The following CELF1 variants were observed in gnomAD, a reference collection of about 807,000 sequenced individuals.
CELF1 encodes CUGBP Elav-like family member 1, also known as 50 kDa nuclear polyadenylated RNA-binding protein.
Under a neutral mutation model 61.8 loss-of-function variants are expected in CELF1, and 10 were observed. The ratio of observed to expected loss-of-function variants is 0.16; its 90% CI spans 0.10 to 0.27. The LOEUF is 0.27. Among genes scored for constraint, CELF1 ranks in the 10% least tolerant of loss-of-function variants. The pLI is 1.00. For synonymous variants in CELF1, 236 were observed against 225.1 expected (o/e 1.05, Z -0.43); for missense variants, 380 against 639.1 (o/e 0.59, Z 4.37).
At position 47,563,264 on chromosome 11, in the gene CELF1, G is replaced by A. The variant is rs528674385; in HGVS notation, c.-11+1087C>T. 2.0e-5 allele frequency among the ~76,000 whole-genome samples: 3 copies of A among 152,202 alleles called. No homozygotes were observed. The South Asian group carries it at 6.2e-4, about 32-fold the overall frequency. On this transcript the variant is annotated intron_variant, in intron 2 of 3. Coordinates refer to the CELF1 transcript ENST00000525841. ...TAAAAAGAAGAAATGCCCTCAACAT[G>A]CTAAACATGTAAATCTATACAGTCA...
chr11:47,492,638 A>C (rs958673311), intron 3 of CELF1, among the ~76,000 whole-genome samples: 1 of 152,164 alleles, frequency 6.6e-6, no homozygotes, highest in Non-Finnish European at 1.5e-5. Context: ...AGGCTAAGGC[A>C]CAAGAATCGC....
chr11:47,483,434 T>C lies in CELF1; in HGVS notation c.606+19A>G. On this transcript the variant is annotated intron_variant, in intron 8 of 14. Transcript: ENST00000687097. Reference sequence around the variant, plus strand: ...TTCCCAAGCTGAGGAATTTTCCCCATCACCTATCTGCTCCCTACCTCCATG... The same window carrying C: ...TTCCCAAGCTGAGGAATTTTCCCCACCACCTATCTGCTCCCTACCTCCATG... The C allele has an allele frequency of 6.2e-7, 1 of 1,606,128 alleles. No individual in the cohort carries two copies. Among genetic ancestry groups the C allele is most frequent in the Non-Finnish European group, 8.5e-7 (1 of 1,172,948 alleles).
chr11:47,496,339 A>G (rs2093089149), intron 3 of CELF1, among the ~76,000 whole-genome samples: 1 of 152,212 alleles, frequency 6.6e-6, no homozygotes, highest in South Asian at 2.1e-4. Flanking sequence ...AGGTATGGAG[A>G]TAAGATCTGG....
intron 4 of CELF1, 99 bp from the exon 5 acceptor site, chr11:47,487,340 G>T (rs1325553912): frequency 4.8e-5 from 41 of 861,356 alleles, no homozygotes; most frequent in Non-Finnish European, 7.3e-5. Context: ...AAAGAGGGCT[G>T]GGTTTATTAA....
chr11:47,529,075 TAC>T lies in CELF1; in HGVS notation c.-154+23915_-154+23916del, dbSNP rs2096369112. Among the ~76,000 whole-genome samples the T allele has an allele frequency of 3.3e-5, 5 of 149,874 alleles. No homozygotes were observed. The South Asian group carries it at 8.4e-4, about 25-fold the overall frequency. On this transcript the variant is annotated intron_variant, in intron 1 of 14. Transcript: ENST00000687097. ...GTGTGCCACCTCACCCAGTTTATTT[TAC>T]TTTTTTTTTTTTTTTTTTGAGACAG...
chr11:47,539,128 C>T (rs541511881), intron 1 of CELF1, among the ~76,000 whole-genome samples: 65 of 152,280 alleles, frequency 4.3e-4, no homozygotes, highest in African/African-American at 1.5e-3. Flanking sequence ...TTCTCTAAAA[C>T]TGATGGCTCA....
intron 2 of CELF1, 69 bp from the exon 3 acceptor site, chr11:47,499,673 G>A: frequency 3.1e-6 from 2 of 636,294 alleles, no homozygotes. Context: ...GCCACAGAAA[G>A]AGGCAGGACT....
At chr11:47,516,897 C>A (rs1340549395) in intron 1 of CELF1, among the ~76,000 whole-genome samples, 3 of 152,052 alleles carry the variant, frequency 2.0e-5, no homozygotes, top group Non-Finnish European at 4.4e-5. Flanking sequence ...GCCACCACGC[C>A]CAGCTCACTA....
chr11:47,533,831 A>AAAAAG (rs1491545271), intron 1 of CELF1, among the ~76,000 whole-genome samples: 13 of 140,894 alleles, frequency 9.2e-5, no homozygotes, highest in South Asian at 2.2e-4. Context: ...AAAAAAAAAA[A>AAAAAG]GGAATATTTA....
rs1296479180 is a variant in CELF1, at chr11:47,471,311, C to T, written c.*919G>A. ...GTGGCTTGGGATGGAGGTGACATTC[C>T]TTGCTGTGGTGAACTGCAAAGAAGG... On this transcript the variant is annotated 3_prime_UTR_variant, in exon 15 of 15. Transcript: ENST00000687097. The T allele has an allele frequency of 3.3e-5, 5 of 152,192 alleles. No individual in the cohort carries two copies. Among genetic ancestry groups the T allele is most frequent in the Non-Finnish European group, 5.9e-5 (4 of 68,048 alleles). 9.4% of individuals were successfully genotyped at this position (152,192 alleles called of 1,614,324 possible). A position where few individuals can be genotyped will look rare whatever the true frequency, so the allele number is the denominator to read the frequency against.
intron 1 of CELF1, among the ~76,000 whole-genome samples, chr11:47,522,282 T>C (rs960974493): frequency 1.6e-4 from 24 of 151,640 alleles, no homozygotes; most frequent in Admixed American, 1.4e-3. Context: ...CCCCAGCACT[T>C]TGGGAGGCCA....
intron 3 of CELF1, among the ~76,000 whole-genome samples, chr11:47,496,721 A>G (rs899559275): frequency 1.3e-5 from 2 of 152,168 alleles, no homozygotes; most frequent in African/African-American, 4.8e-5. Flanking sequence ...GAAAAGTGGG[A>G]TAACATCAGA....
At chr11:47,487,310 CACT>C in intron 4 of CELF1, 69 bp from the exon 5 acceptor site, 1 of 1,174,980 alleles carries the variant, frequency 8.5e-7, no homozygotes, top group Non-Finnish European at 1.2e-6. Flanking sequence ...ATCCTTCCTC[CACT>C]GACAGATCAG....
intron 1 of CELF1, among the ~76,000 whole-genome samples, chr11:47,501,827 C>CA (rs1482812221): frequency 1.2e-4 from 18 of 150,492 alleles, no homozygotes; most frequent in South Asian, 2.1e-4. Context: ...TCTCCCCCAC[C>CA]AAAAAAAAAT....
At chr11:47,498,299 G>C (rs999644400) in intron 3 of CELF1, among the ~76,000 whole-genome samples, 2 of 152,054 alleles carry the variant, frequency 1.3e-5, no homozygotes, top group South Asian at 4.1e-4. Flanking sequence ...CAGCTACTTG[G>C]GAAGCGGAGG....
intron 1 of CELF1, among the ~76,000 whole-genome samples, chr11:47,501,721 G>A (rs1469864481): frequency 6.6e-6 from 1 of 152,100 alleles, no homozygotes; most frequent in Non-Finnish European, 1.5e-5. Context: ...TACTCGGGAG[G>A]CTAAGGCAGG....
chr11:47,533,255 G>A (rs1205764525), intron 1 of CELF1, among the ~76,000 whole-genome samples: 4 of 152,190 alleles, frequency 2.6e-5, no homozygotes, highest in African/African-American at 4.8e-5. Context: ...GGGAAGCTGA[G>A]GCGGGGGGAT....
chr11:47,486,653 C>A, intron 6 of CELF1, 97 bp downstream of exon 6: 1 of 943,384 alleles, frequency 1.1e-6, no homozygotes, highest in South Asian at 1.3e-5. Flanking sequence ...AGCAATCCAT[C>A]TGTCTTGGCC....
chr11:47,488,817 C>A lies in CELF1; in HGVS notation c.259+20G>T. The A allele has an allele frequency of 7.0e-7, 1 of 1,425,526 alleles. No homozygotes were observed. Among genetic ancestry groups the A allele is most frequent in the South Asian group, 1.7e-5 (1 of 60,558 alleles). 88.3% of individuals were successfully genotyped at this position (1,425,526 alleles called of 1,614,324 possible). ...GAGTCAGTGGAAAAAATAAGATAAA[C>A]CAAAACCCAAAGCCCTAACCTTTGC... On this transcript the variant is annotated intron_variant, in intron 4 of 14. Transcript: ENST00000687097.
Sources: allele counts gnomAD v4.1 joint callset (sites outside exome capture counted in the v4.1 genomes callset), GRCh38; gene constraint gnomAD v4.1.1; transcripts MANE v1.5; gene names NCBI Gene and HGNC (gene_info 2026-07-23, HGNC 2026-07-21).